Variants in FOXN3 observed in about 807,000 individuals in gnomAD.
FOXN3 encodes forkhead box N3, also known as forkhead box protein N3.
A neutral mutation model predicts 38.4 loss-of-function variants in FOXN3; 7 were observed. The ratio of observed to expected loss-of-function variants is 0.18; its 90% CI spans 0.10 to 0.34. The LOEUF (loss-of-function observed/expected upper bound fraction) is 0.34, where lower values mean the gene tolerates loss of function less well. Ranked by LOEUF, FOXN3 falls within the 10% of genes least tolerant of loss-of-function variation. The pLI is 1.00. For missense variants in FOXN3, 456 were observed against 613.4 expected, an observed-to-expected ratio of 0.74 and a Z score of 2.71; for synonymous variants, 230 against 242.2, an observed-to-expected ratio of 0.95 and a Z score of 0.47.
rs1446182909 is a variant in FOXN3 at position 89,335,075 on chromosome 14, TATCA to T, written c.680+15593_680+15596del. On this transcript the variant is annotated intron_variant, in intron 3 of 5. Coordinates refer to ENST00000557258, the MANE Select transcript of FOXN3 (RefSeq NM_005197.4). The stretch of plus-strand genomic sequence containing the variant: ...AAAGAGTAGAACTTAACTATTTTCA[TATCA>T]CACACACACACACACACACACACAC... 2.2e-3 allele frequency among the ~76,000 whole-genome samples: 294 copies of T among 136,240 alleles called. 1 individual carries two copies. The highest frequency in any genetic ancestry group is 0.013 in the East Asian group (62 of 4,802). 89.4% of individuals were successfully genotyped at this position (136,240 alleles called of 152,430 possible). A position where few individuals can be genotyped will look rare whatever the true frequency, so the allele number is the denominator to read the frequency against.
intron 1 of FOXN3, among the ~76,000 whole-genome samples, chr14:89,553,533 T>C (rs1411948885): frequency 6.6e-6 from 1 of 151,896 alleles, no homozygotes; most frequent in East Asian, 1.9e-4. Flanking sequence ...TAATTCCTGA[T>C]GAAGCAGGAA....
chr14:89,240,855 C>T (rs926991537), intron 4 of FOXN3, among the ~76,000 whole-genome samples: 2 of 152,164 alleles, frequency 1.3e-5, no homozygotes, highest in African/African-American at 4.8e-5. Context: ...TGCCTGGGGT[C>T]CCACGAATGG....
chr14:89,612,824 T>C (rs1896419276), intron 1 of FOXN3, among the ~76,000 whole-genome samples: 1 of 146,706 alleles, frequency 6.8e-6, no homozygotes, highest in Admixed American at 6.9e-5. Flanking sequence ...GAGACCCTGC[T>C]TAAAAAAAAA....
chr14:89,459,103 G>C (rs1045059126), intron 1 of FOXN3, among the ~76,000 whole-genome samples: 3 of 151,972 alleles, frequency 2.0e-5, no homozygotes, highest in African/African-American at 7.3e-5. Context: ...ACAGAGAAAC[G>C]TGCAGAGTGA....
At chr14:89,217,867 C>T (rs10145489) in intron 4 of FOXN3, among the ~76,000 whole-genome samples, 2,732 of 152,256 alleles carry the variant, frequency 0.018, 79 homozygotes, top group African/African-American at 0.062. Context: ...GCACTGCTGC[C>T]GGGCCTGGCT....
intron 4 of FOXN3, among the ~76,000 whole-genome samples, chr14:89,188,911 C>A (rs1191353001): frequency 1.3e-5 from 2 of 152,104 alleles, no homozygotes; most frequent in Non-Finnish European, 2.9e-5. Context: ...AAACCACACT[C>A]CAGGTTAACT....
chr14:89,402,554 A>G (rs1326983669), intron 2 of FOXN3, among the ~76,000 whole-genome samples: 1 of 152,214 alleles, frequency 6.6e-6, no homozygotes, highest in Non-Finnish European at 1.5e-5. Context: ...GCTTCCTTGC[A>G]GCTAGAAGTC....
chr14:89,386,915 G>C (rs1890804817), intron 2 of FOXN3, among the ~76,000 whole-genome samples: 1 of 152,104 alleles, frequency 6.6e-6, no homozygotes, highest in Non-Finnish European at 1.5e-5. Context: ...CCATCCGTAT[G>C]GTCTCAACCT....
chr14:89,388,254 C>T (rs531073837), intron 2 of FOXN3, among the ~76,000 whole-genome samples: 1 of 152,342 alleles, frequency 6.6e-6, no homozygotes, highest in South Asian at 2.1e-4. Flanking sequence ...GAGATGAGAA[C>T]TCACTTCCAT....
intron 3 of FOXN3, among the ~76,000 whole-genome samples, chr14:89,313,780 T>C (rs141921602): frequency 1.7e-4 from 26 of 152,304 alleles, no homozygotes; most frequent in African/African-American, 6.0e-4. Context: ...TATACATACA[T>C]ACAAGAGAGT....
intron 4 of FOXN3, among the ~76,000 whole-genome samples, chr14:89,188,004 G>C (rs571206999): frequency 6.6e-6 from 1 of 152,274 alleles, no homozygotes; most frequent in South Asian, 2.1e-4. Flanking sequence ...CTGTCCATGA[G>C]CGTCTCCTTC....
At chr14:89,607,582 C>T (rs1412086221) in intron 1 of FOXN3, among the ~76,000 whole-genome samples, 1 of 149,158 alleles carries the variant, frequency 6.7e-6, no homozygotes, top group Non-Finnish European at 1.5e-5. Context: ...AAAAAGGACT[C>T]AAGTTTGCTG....
intron 4 of FOXN3, among the ~76,000 whole-genome samples, chr14:89,269,501 T>C (rs543095612): frequency 1.3e-5 from 2 of 152,100 alleles, no homozygotes; most frequent in South Asian, 2.1e-4. Flanking sequence ...TTTTTTCCTT[T>C]TTCCATGAAG....
chr14:89,366,714 C>A (rs968714448), intron 2 of FOXN3, among the ~76,000 whole-genome samples: 1 of 152,148 alleles, frequency 6.6e-6, no homozygotes, highest in Non-Finnish European at 1.5e-5. Flanking sequence ...TGCAACTGGG[C>A]GCGCACTCCT....
intron 2 of FOXN3, among the ~76,000 whole-genome samples, chr14:89,369,991 A>C (rs1890268121): frequency 6.6e-6 from 1 of 152,264 alleles, no homozygotes; most frequent in African/African-American, 2.4e-5. Flanking sequence ...AAGTCAAATC[A>C]CAAATAATTT....
intron 1 of FOXN3, among the ~76,000 whole-genome samples, chr14:89,503,353 A>T (rs563309481): frequency 6.6e-6 from 1 of 152,290 alleles, no homozygotes; most frequent in Non-Finnish European, 1.5e-5. Context: ...AACACAGAAA[A>T]ATAAATCACC....
intron 4 of FOXN3, among the ~76,000 whole-genome samples, chr14:89,249,005 G>GT (rs1885375324): frequency 1.3e-5 from 2 of 152,338 alleles, no homozygotes; most frequent in Non-Finnish European, 2.9e-5. Context: ...ATACAAGCCT[G>GT]TGCCTGCACA....
chr14:89,475,226 T>C (rs1415860418), intron 1 of FOXN3, among the ~76,000 whole-genome samples: 3 of 152,256 alleles, frequency 2.0e-5, no homozygotes, highest in Non-Finnish European at 2.9e-5. Flanking sequence ...CTTATACATA[T>C]GCATTCCATG....
At chr14:89,439,881 C>G (rs1892343783) in intron 1 of FOXN3, among the ~76,000 whole-genome samples, 1 of 152,102 alleles carries the variant, frequency 6.6e-6, no homozygotes, top group Non-Finnish European at 1.5e-5. Context: ...GTCTCAATCT[C>G]CTGACGTCGT....
Sources: allele counts gnomAD v4.1 joint callset (sites outside exome capture counted in the v4.1 genomes callset), GRCh38; gene constraint gnomAD v4.1.1; transcripts MANE v1.5; gene names NCBI Gene and HGNC (gene_info 2026-07-23, HGNC 2026-07-21).